Variants in INTS6 observed in about 807,000 individuals in gnomAD.
INTS6 encodes the protein DEAD box protein.
A neutral mutation model predicts 104.9 loss-of-function variants in INTS6; 16 were observed. That is an observed-to-expected ratio of 0.15 (90% CI 0.10 to 0.23). The LOEUF (loss-of-function observed/expected upper bound fraction) is 0.23. Among genes scored for constraint, INTS6 ranks in the 10% least tolerant of loss-of-function variants. The pLI, the probability that INTS6 is intolerant of heterozygous loss-of-function variation, is 1.00. For synonymous variants in INTS6, 324 were observed against 358.7 expected (o/e 0.90, Z 1.09); for missense variants, 584 against 1,062.8 (o/e 0.55, Z 6.26).
At chr13:51,347,086 TC>T in the INTS6 span, 3 of 1,607,328 alleles carry the variant, frequency 1.9e-6, no homozygotes, top group Non-Finnish European at 2.5e-6. Context: ...CAGCATTTGC[TC>T]AGCTTGTGCT....
downstream of INTS6, among the ~76,000 whole-genome samples, chr13:51,352,471 GT>G (rs796835423): frequency 2.0e-5 from 3 of 150,222 alleles, no homozygotes; most frequent in African/African-American, 7.3e-5. Flanking sequence ...GCTCTGATAG[GT>G]TTTTTTTTGT....
chr13:51,448,728 T>C (rs1952974634), intron 3 of INTS6: 1 of 152,224 alleles, frequency 6.6e-6, no homozygotes, highest in African/African-American at 2.4e-5. Context: ...TTAAAGTTTT[T>C]AGATGTTCTA....
chr13:51,383,561 TG>T, intron 8 of INTS6, 27 bp downstream of exon 8: 1 of 1,606,212 alleles, frequency 6.2e-7, no homozygotes, highest in African/African-American at 1.3e-5. Context: ...ATTTAAATTT[TG>T]GGGTCACTGT....
intron 4 of INTS6, among the ~76,000 whole-genome samples, chr13:51,426,204 CAT>C (rs1215835683): frequency 3.3e-5 from 5 of 152,024 alleles, no homozygotes; most frequent in African/African-American, 1.2e-4. Flanking sequence ...TTTCCTAACT[CAT>C]AACACATTGC....
chr13:51,448,066 A>T (rs1566256121), intron 3 of INTS6: 1 of 152,232 alleles, frequency 6.6e-6, no homozygotes, highest in African/African-American at 2.4e-5. Flanking sequence ...CTCAAAAAAA[A>T]TATACATATA....
intron 3 of INTS6, among the ~76,000 whole-genome samples, chr13:51,435,970 T>C (rs1435536649): frequency 1.3e-5 from 2 of 152,136 alleles, no homozygotes. Flanking sequence ...AGGCCAGAAT[T>C]ACAAATTTCA....
intron 4 of INTS6, among the ~76,000 whole-genome samples, chr13:51,428,326 CTTTTTTTTT>C (rs887192550): frequency 1.5e-5 from 2 of 135,048 alleles, no homozygotes; most frequent in Non-Finnish European, 3.2e-5. Flanking sequence ...CTTTTTTTTT[CTTTTTTTTT>C]TTTTTTTGAG....
rs964668013 is a variant in INTS6 at position 51,452,599 on chromosome 13, G to C, written c.-74C>G. ...TGGTAGAGGTGGAGGCGCCGGTGGC[G>C]GCGACCGCCGCTACGCGGGGCGGGG... is the stretch of plus-strand genomic sequence containing the variant. On this transcript the variant is annotated 5_prime_UTR_variant, in exon 1 of 18. Coordinates refer to ENST00000311234, the MANE Select transcript of INTS6 (RefSeq NM_012141.3). This position sits in a 1 kb window ranked among gnomAD's most constrained non-coding sequence, Gnocchi z 4.2. 7 of 1,548,274 alleles carry C rather than the reference G, an allele frequency of 4.5e-6. No individual in the cohort carries two copies. In the Admixed American group the frequency reaches 1.3e-4, roughly 28 times the overall value.
At chr13:51,375,734 G>GTGT (rs142921391) in intron 13 of INTS6, among the ~76,000 whole-genome samples, 10 of 147,560 alleles carry the variant, frequency 6.8e-5, no homozygotes, top group Non-Finnish European at 1.1e-4. Context: ...TTGATAAGTG[G>GTGT]GTGTGTGTGT....
chr13:51,389,428 C>A lies in INTS6; in HGVS notation c.630G>T (p.Val210=), dbSNP rs1486815769. 1 of 1,608,504 alleles carries A rather than the reference C, an allele frequency of 6.2e-7. No individual in the cohort carries two copies. The highest frequency in any genetic ancestry group is 8.5e-7 in the Non-Finnish European group (1 of 1,177,740). ...ACTGATTAAGCATTCTTGGAGAACA[C>A]ACAGAATATGAACGGCCTGAGATTA... ...CEVTGGRSYS[V]CSPRMLNQCL... The change falls in exon 6 of 18, where the codon GTG becomes GTT. Residue 210 remains valine, a synonymous_variant. Coordinates refer to ENST00000311234, the MANE Select transcript of INTS6 (RefSeq NM_012141.3).
chr13:51,413,545 C>G (rs893525977), intron 4 of INTS6, among the ~76,000 whole-genome samples: 10 of 152,022 alleles, frequency 6.6e-5, no homozygotes, highest in African/African-American at 2.4e-4. Flanking sequence ...AAAATTATAC[C>G]TCTAATAAGT....
chr13:51,357,667 T>TC (rs931546934), downstream of INTS6, among the ~76,000 whole-genome samples: 10 of 151,860 alleles, frequency 6.6e-5, no homozygotes, highest in Admixed American at 1.3e-4. Context: ...AGAGTGTAGT[T>TC]CCCCCCCAGT....
At chr13:51,348,155 C>T in the INTS6 span, 2 of 1,355,270 alleles carry the variant, frequency 1.5e-6, no homozygotes, top group Non-Finnish European at 2.0e-6. Flanking sequence ...GGGTCCGACA[C>T]TGGTTCATTC....
At chr13:51,407,996 A>G (rs1956605750) in intron 4 of INTS6, among the ~76,000 whole-genome samples, 1 of 150,792 alleles carries the variant, frequency 6.6e-6, no homozygotes. Context: ...CAGCCTGGGC[A>G]ACAGAGTGAG....
chr13:51,423,476 T>C (rs1956930730), intron 4 of INTS6, among the ~76,000 whole-genome samples: 1 of 152,074 alleles, frequency 6.6e-6, no homozygotes, highest in East Asian at 1.9e-4. Context: ...TGACAGATAA[T>C]ATAAATTAAC....
chr13:51,390,197 T>C (rs996287187), intron 5 of INTS6, among the ~76,000 whole-genome samples: 6 of 152,052 alleles, frequency 3.9e-5, no homozygotes, highest in Non-Finnish European at 8.8e-5. Context: ...ATACTTTATA[T>C]ACTAGACACA....
chr13:51,336,657 G>A, the INTS6 span, among the ~76,000 whole-genome samples: 1 of 152,320 alleles, frequency 6.6e-6, no homozygotes, highest in East Asian at 1.9e-4. Context: ...ATAGTCCAAA[G>A]AAGTTGATGC....
the INTS6 span, chr13:51,344,191 G>A: frequency 8.2e-7 from 1 of 1,214,174 alleles, no homozygotes; most frequent in East Asian, 2.4e-5. Flanking sequence ...TGTGCTGGAG[G>A]TTGTGCTAAC....
intron 13 of INTS6, 123 bp downstream of exon 13, chr13:51,375,925 G>T: frequency 1.4e-6 from 1 of 739,442 alleles, no homozygotes; most frequent in Non-Finnish European, 2.0e-6. Context: ...TCATTTGTTT[G>T]AACTTACAAT....
Sources: allele counts gnomAD v4.1 joint callset (sites outside exome capture counted in the v4.1 genomes callset), GRCh38; gene constraint gnomAD v4.1.1; non-coding constraint Gnocchi (gnomAD v3.1); transcripts MANE v1.5; gene names NCBI Gene and HGNC (gene_info 2026-07-23, HGNC 2026-07-21).